Variants in PLGRKT observed in about 807,000 individuals in gnomAD.
PLGRKT encodes the protein plasminogen receptor (KT).
A neutral mutation model predicts 18.5 loss-of-function variants in PLGRKT; 22 were observed. The observed-to-expected ratio is 1.19, with a 90% CI of 0.85 to 1.70. PLGRKT has a LOEUF of 1.70. Ranked by LOEUF, PLGRKT falls within the 40% of genes most tolerant of loss-of-function variation. PLGRKT has a pLI of 0.00. For missense variants in PLGRKT, 235 were observed against 174.4 expected (o/e 1.35, Z -1.96); for synonymous variants, 72 against 52.8 (o/e 1.36, Z -1.58).
intron 3 of PLGRKT, among the ~76,000 whole-genome samples, chr9:5,422,950 T>C (rs1417699941): frequency 3.3e-5 from 5 of 152,220 alleles, no homozygotes; most frequent in Non-Finnish European, 7.3e-5. Context: ...TTAATTGCTT[T>C]CGAAACACCT....
chr9:5,415,659 G>T (rs1036603271), intron 3 of PLGRKT, among the ~76,000 whole-genome samples: 3 of 152,104 alleles, frequency 2.0e-5, no homozygotes, highest in African/African-American at 7.2e-5. Context: ...TGTATCCTCT[G>T]ATACAATGCA....
At chr9:5,428,908 C>T (rs945052245) in intron 3 of PLGRKT, among the ~76,000 whole-genome samples, 1 of 152,074 alleles carries the variant, frequency 6.6e-6, no homozygotes, top group Non-Finnish European at 1.5e-5. Flanking sequence ...CACTATGTTG[C>T]CCAGGGTGGT....
intron 3 of PLGRKT, among the ~76,000 whole-genome samples, chr9:5,372,856 T>C (rs1363020998): frequency 2.0e-5 from 3 of 152,182 alleles, no homozygotes; most frequent in Admixed American, 2.0e-4. Flanking sequence ...ATCCAACTAG[T>C]ATTACCTGCC....
chr9:5,408,404 G>C, intron 3 of PLGRKT, among the ~76,000 whole-genome samples: 1 of 152,194 alleles, frequency 6.6e-6, no homozygotes, highest in East Asian at 1.9e-4. Context: ...CCTGCCAAGG[G>C]ATATGCGCAA....
chr9:5,414,235 C>T (rs1307265394), intron 3 of PLGRKT, among the ~76,000 whole-genome samples: 6 of 152,132 alleles, frequency 3.9e-5, no homozygotes, highest in Admixed American at 3.3e-4. Flanking sequence ...GGTGCAATCT[C>T]GCCTCACTGC....
rs143550810 is a variant in PLGRKT, at chr9:5,387,014, G to A, written c.82-25126C>T. On this transcript the variant is annotated intron_variant, in intron 3 of 5. Transcript: ENST00000223864. ...CAAGGTTGGATGGGTGATGGCAAAC[G>A]GACAGACTGCCAAGGGCAGAGCTCC... 1.3e-3 allele frequency among the ~76,000 whole-genome samples: 201 copies of A among 151,996 alleles called. 4 individuals carry two copies. Among genetic ancestry groups the A allele is most frequent in the African/African-American group, 4.2e-3 (175 of 41,270 alleles).
intron 3 of PLGRKT, among the ~76,000 whole-genome samples, chr9:5,426,012 A>T (rs1468437165): frequency 6.6e-6 from 1 of 152,236 alleles, no homozygotes; most frequent in Non-Finnish European, 1.5e-5. Context: ...GATGTTATTT[A>T]GACATGGTAT....
At chr9:5,423,225 T>C (rs760713784) in intron 3 of PLGRKT, among the ~76,000 whole-genome samples, 2 of 152,166 alleles carry the variant, frequency 1.3e-5, no homozygotes. Context: ...CCTGAGTTCC[T>C]TGAAAGAGGG....
chr9:5,377,743 G>A (rs1243770686), intron 3 of PLGRKT, among the ~76,000 whole-genome samples: 1 of 152,122 alleles, frequency 6.6e-6, no homozygotes, highest in Non-Finnish European at 1.5e-5. Flanking sequence ...AACAAATGGT[G>A]CCCCTCCATT....
At chr9:5,435,889 G>T (rs1377375454) in intron 2 of PLGRKT, among the ~76,000 whole-genome samples, 3 of 152,230 alleles carry the variant, frequency 2.0e-5, no homozygotes, top group Non-Finnish European at 2.9e-5. Flanking sequence ...GGGGTTCCAG[G>T]TGAGTGGGAG....
At position 5,417,587 on chromosome 9, in the gene PLGRKT, C is replaced by T. The variant is rs561437704; in HGVS notation, c.81+14310G>A. ...GTCAAGAGAAAAAAAAAAACACCTGCGAATGGGAGAATATATTTACAAATC... is the reference window on the plus strand; with the variant it reads ...GTCAAGAGAAAAAAAAAAACACCTGTGAATGGGAGAATATATTTACAAATC... On this transcript the variant is annotated intron_variant, in intron 3 of 5. Transcript: ENST00000223864. 4.1e-5 allele frequency among the ~76,000 whole-genome samples: 6 copies of T among 148,042 alleles called. No homozygotes were observed. The East Asian group carries it at 5.8e-4, about 14-fold the overall frequency.
chr9:5,407,100 T>C (rs192476231), intron 3 of PLGRKT, among the ~76,000 whole-genome samples: 1 of 152,318 alleles, frequency 6.6e-6, no homozygotes, highest in Admixed American at 6.5e-5. Flanking sequence ...TTTCTTCAAA[T>C]TAATATTTTT....
chr9:5,405,556 T>C (rs1012021538), intron 3 of PLGRKT, among the ~76,000 whole-genome samples: 1 of 152,186 alleles, frequency 6.6e-6, no homozygotes, highest in Non-Finnish European at 1.5e-5. Flanking sequence ...TGGTTAGCCA[T>C]ATGTAGAAAA....
rs1229945045 is a variant in PLGRKT, at chr9:5,424,395, CAT to C, written c.81+7500_81+7501del. On this transcript the variant is annotated intron_variant, in intron 3 of 5. Coordinates refer to ENST00000223864, the MANE Select transcript of PLGRKT (RefSeq NM_018465.4). The stretch of plus-strand genomic sequence containing the variant: ...TAATAATATATAACATATTATAAAA[CAT>C]AATATATTATATATTAACATATAAT... Among the ~76,000 whole-genome samples the C allele has an allele frequency of 7.8e-3, 955 of 122,010 alleles. 13 individuals are homozygous for C. The highest frequency in any genetic ancestry group is 0.032 in the African/African-American group (930 of 29,038). The allele number at this position is 122,010 out of a possible 152,430, so 80.0% of individuals were successfully genotyped here.
chr9:5,430,688 C>T (rs2131175812), intron 3 of PLGRKT, among the ~76,000 whole-genome samples: 1 of 152,330 alleles, frequency 6.6e-6, no homozygotes, highest in Non-Finnish European at 1.5e-5. Context: ...CAAACTCAGG[C>T]AGTCTGGCTT....
intron 3 of PLGRKT, among the ~76,000 whole-genome samples, chr9:5,385,087 T>C (rs1343288054): frequency 2.6e-5 from 4 of 152,066 alleles, no homozygotes; most frequent in Non-Finnish European, 5.9e-5. Flanking sequence ...TTCCAGGCCA[T>C]TGTAAGTGTT....
chr9:5,405,892 G>A (rs1228373438), intron 3 of PLGRKT, among the ~76,000 whole-genome samples: 2 of 151,812 alleles, frequency 1.3e-5, no homozygotes, highest in African/African-American at 2.4e-5. Flanking sequence ...AATCTACAAG[G>A]AACTTAAGAA....
chr9:5,364,308 T>TC (rs1006640350), intron 3 of PLGRKT, among the ~76,000 whole-genome samples: 4 of 152,172 alleles, frequency 2.6e-5, no homozygotes, highest in Admixed American at 1.3e-4. Context: ...ATATTTTTTT[T>TC]CCCACAAAAG....
chr9:5,388,904 T>G (rs1817894176), intron 3 of PLGRKT, among the ~76,000 whole-genome samples: 1 of 152,070 alleles, frequency 6.6e-6, no homozygotes, highest in African/African-American at 2.4e-5. Flanking sequence ...GCTAAATAAG[T>G]ATTAGGTATT....
Sources: allele counts gnomAD v4.1 joint callset (sites outside exome capture counted in the v4.1 genomes callset), GRCh38; gene constraint gnomAD v4.1.1; transcripts MANE v1.5; gene names NCBI Gene and HGNC (gene_info 2026-07-23, HGNC 2026-07-21).